TSKS: variants seen among roughly 807,000 people sequenced by gnomAD.
TSKS encodes the protein testis specific serine kinase substrate.
In TSKS, 27 loss-of-function variants were observed where a neutral mutation model predicts 68.0. The observed-to-expected ratio is 0.40, with a 90% CI of 0.29 to 0.55. The LOEUF (loss-of-function observed/expected upper bound fraction) is 0.55. Ranked by LOEUF, TSKS falls within the 20% of genes least tolerant of loss-of-function variation. TSKS has a pLI of 0.53. For missense variants in TSKS, 806 were observed against 776.0 expected (o/e 1.04, Z -0.46); for synonymous variants, 331 against 340.4 (o/e 0.97, Z 0.30).
In TSKS at chr19:49,739,786, G is replaced by A; in HGVS notation, c.1769C>T (p.Pro590Leu). 6.8e-7 allele frequency: 1 copy of A among 1,473,306 alleles called. No individual in the cohort carries two copies. Among genetic ancestry groups the A allele is most frequent in the Non-Finnish European group, 9.4e-7 (1 of 1,058,558 alleles). 91.3% of individuals were successfully genotyped at this position (1,473,306 alleles called of 1,614,324 possible). Residue 590 changes from proline to leucine, a missense_variant, in exon 11 of 11, where the codon CCT becomes CTT. Transcript: ENST00000246801. The part of the protein sequence containing the change: ...GTPPKQGGSA[P>L]EQ ...AGCATGAGAGGCCATTTATTGTTCAGGGGCTGAGCCCCCCTGTTTTGGGGG... is the reference window on the plus strand; with the variant it reads ...AGCATGAGAGGCCATTTATTGTTCAAGGGCTGAGCCCCCCTGTTTTGGGGG...
intron 8 of TSKS, among the ~76,000 whole-genome samples, chr19:49,742,866 A>G (rs1169727573): frequency 6.6e-6 from 1 of 152,022 alleles, no homozygotes; most frequent in Non-Finnish European, 1.5e-5. Context: ...AACATTTCCC[A>G]TAATACACTA....
intron 2 of TSKS, among the ~76,000 whole-genome samples, chr19:49,759,583 C>G (rs1353775517): frequency 6.7e-6 from 1 of 148,824 alleles, no homozygotes; most frequent in Non-Finnish European, 1.5e-5. Flanking sequence ...CTACAGTGAG[C>G]CAAGATTGTG....
At chr19:49,762,835 C>T (rs918143732) in intron 1 of TSKS, among the ~76,000 whole-genome samples, 2 of 152,062 alleles carry the variant, frequency 1.3e-5, no homozygotes, top group South Asian at 4.1e-4. Flanking sequence ...TCTTCCCTCC[C>T]CACTGGCTTT....
At chr19:49,744,145 C>T in intron 8 of TSKS, 86 bp downstream of exon 8, 1 of 1,427,956 alleles carries the variant, frequency 7.0e-7, no homozygotes, top group South Asian at 1.3e-5. Context: ...AACAGCGCCC[C>T]ACCCTTCACT....
intron 8 of TSKS, among the ~76,000 whole-genome samples, chr19:49,743,060 A>G (rs2084265158): frequency 6.6e-6 from 1 of 151,744 alleles, no homozygotes; most frequent in African/African-American, 2.4e-5. Flanking sequence ...TGCACTGGAA[A>G]TATGATGCTT....
chr19:49,751,007 G>A (rs1347064198), intron 2 of TSKS, among the ~76,000 whole-genome samples: 1 of 151,912 alleles, frequency 6.6e-6, no homozygotes. Flanking sequence ...GCAAAATGGT[G>A]GATTAAATAA....
intron 1 of TSKS, 107 bp from the exon 2 acceptor site, chr19:49,762,339 T>A (rs2084449509): frequency 2.7e-6 from 2 of 749,550 alleles, no homozygotes; most frequent in Non-Finnish European, 4.4e-6. Flanking sequence ...ACCCTCACTG[T>A]ATATAAGTTT....
chr19:49,752,221 T>A (rs963913522), intron 2 of TSKS, among the ~76,000 whole-genome samples: 6 of 151,032 alleles, frequency 4.0e-5, no homozygotes, highest in Non-Finnish European at 7.4e-5. Flanking sequence ...CCGACTCTAC[T>A]GAAAATACAA....
At chr19:49,756,567 A>C (rs969387298) in intron 2 of TSKS, among the ~76,000 whole-genome samples, 1 of 151,806 alleles carries the variant, frequency 6.6e-6, no homozygotes, top group African/African-American at 2.4e-5. Flanking sequence ...TCATGATTAA[A>C]AAAAAAAAAA....
At chr19:49,755,752 C>T (rs2084387516) in intron 2 of TSKS, among the ~76,000 whole-genome samples, 1 of 152,060 alleles carries the variant, frequency 6.6e-6, no homozygotes, top group African/African-American at 2.4e-5. Flanking sequence ...CCTGTAATCC[C>T]AGCACTTTGG....
chr19:49,745,682 A>G (rs2084292690), intron 6 of TSKS, among the ~76,000 whole-genome samples: 1 of 151,978 alleles, frequency 6.6e-6, no homozygotes, highest in Non-Finnish European at 1.5e-5. Context: ...TGGCCCCCCA[A>G]GGCACTGCCC....
chr19:49,762,780 C>T (rs2084454531), intron 1 of TSKS, among the ~76,000 whole-genome samples: 2 of 152,252 alleles, frequency 1.3e-5, no homozygotes, highest in Non-Finnish European at 2.9e-5. Context: ...CTCCTCCCTT[C>T]TCTGCCACCT....
At chr19:49,743,645 C>T (rs2123600801) in intron 8 of TSKS, among the ~76,000 whole-genome samples, 1 of 151,364 alleles carries the variant, frequency 6.6e-6, no homozygotes, top group East Asian at 2.0e-4. Flanking sequence ...CTACAGGCAC[C>T]CGCCACCACG....
intron 2 of TSKS, among the ~76,000 whole-genome samples, chr19:49,756,757 C>G (rs2084395641): frequency 6.6e-6 from 1 of 152,120 alleles, no homozygotes; most frequent in Non-Finnish European, 1.5e-5. Context: ...GTGACTCACA[C>G]CCAGGAAATA....
chr19:49,758,604 C>G (rs1051618133), intron 2 of TSKS, among the ~76,000 whole-genome samples: 6 of 152,168 alleles, frequency 3.9e-5, no homozygotes, highest in African/African-American at 1.4e-4. Flanking sequence ...AGACATCCTT[C>G]CCAGCCCAGA....
intron 9 of TSKS, chr19:49,740,414 A>G (rs1285791190): frequency 3.6e-6 from 2 of 548,128 alleles, no homozygotes; most frequent in African/African-American, 3.8e-5. Flanking sequence ...CCCATGATGC[A>G]CTGACCTATG....
In TSKS at chr19:49,746,040, A is replaced by G. The variant is rs552309380; in HGVS notation, c.992+430T>C. Among the ~76,000 whole-genome samples the G allele has an allele frequency of 4.6e-5, 7 of 152,184 alleles. No homozygotes were observed. In the Middle Eastern group the frequency reaches 0.024, roughly 518 times the overall value. On this transcript the variant is annotated intron_variant, in intron 6 of 10. Transcript: ENST00000246801. The stretch of plus-strand genomic sequence containing the variant: ...CTACTAAAAATACAAAAAAATAGCC[A>G]GGCGTGGTGGCGGGCGCCTGTAGTC...
intron 6 of TSKS, 145 bp downstream of exon 6, chr19:49,746,325 C>G (rs1384264386): frequency 2.0e-5 from 19 of 950,188 alleles, no homozygotes; most frequent in Non-Finnish European, 6.2e-6. Context: ...ACCTCAGGTC[C>G]CCGAGGCTCC....
intron 9 of TSKS, among the ~76,000 whole-genome samples, chr19:49,741,390 T>C (rs1187678522): frequency 6.6e-6 from 1 of 152,100 alleles, no homozygotes; most frequent in African/African-American, 2.4e-5. Flanking sequence ...GGGCTCAAGT[T>C]CCACCAACTA....
Sources: allele counts gnomAD v4.1 joint callset (sites outside exome capture counted in the v4.1 genomes callset), GRCh38; gene constraint gnomAD v4.1.1; transcripts MANE v1.5; gene names NCBI Gene and HGNC (gene_info 2026-07-23, HGNC 2026-07-21).